SH3BP4: variants seen among roughly 807,000 people sequenced by gnomAD.
The protein encoded by SH3BP4 is SH3 domain-binding protein 4.
A neutral mutation model predicts 65.5 loss-of-function variants in SH3BP4; 33 were observed. The observed-to-expected ratio is 0.50, with a 90% CI of 0.38 to 0.67. The LOEUF is 0.67. Ranked by LOEUF, SH3BP4 falls within the 30% of genes least tolerant of loss-of-function variation. The pLI is 0.00. For synonymous variants in SH3BP4, 552 were observed against 545.5 expected (o/e 1.01, Z -0.17); for missense variants, 1,134 against 1,261.4 (o/e 0.90, Z 1.53).
At chr2:234,962,416 G>T (rs1574773497) in intron 1 of SH3BP4, among the ~76,000 whole-genome samples, 1 of 152,206 alleles carries the variant, frequency 6.6e-6, no homozygotes, top group East Asian at 1.9e-4. Context: ...GGGATTACAG[G>T]TGTGAGCTAC....
intron 1 of SH3BP4, among the ~76,000 whole-genome samples, chr2:234,970,707 C>T (rs1574779684): frequency 6.6e-6 from 1 of 152,238 alleles, no homozygotes; most frequent in Non-Finnish European, 1.5e-5. Flanking sequence ...GGGGTGCACT[C>T]TTCAGCTGAC....
intron 1 of SH3BP4, among the ~76,000 whole-genome samples, chr2:234,985,023 C>T (rs1273916121): frequency 1.3e-5 from 2 of 152,120 alleles, no homozygotes; most frequent in African/African-American, 2.4e-5. Flanking sequence ...GCGGGGGCGT[C>T]GACCCCAGGG....
intron 2 of SH3BP4, among the ~76,000 whole-genome samples, chr2:235,021,897 G>C (rs1694856123): frequency 6.6e-6 from 1 of 152,114 alleles, no homozygotes; most frequent in Admixed American, 6.5e-5. Flanking sequence ...AATTGTTCAG[G>C]AATTCATGCA....
chr2:234,985,015 G>C (rs563450594), intron 1 of SH3BP4, among the ~76,000 whole-genome samples: 1 of 152,150 alleles, frequency 6.6e-6, no homozygotes, highest in Admixed American at 6.5e-5. Flanking sequence ...GCCAGGAGGC[G>C]GGGGCGTCGA....
chr2:235,027,890 T>C (rs1695052693), intron 2 of SH3BP4, among the ~76,000 whole-genome samples: 2 of 152,216 alleles, frequency 1.3e-5, no homozygotes, highest in African/African-American at 4.8e-5. Flanking sequence ...TCTCTAATTG[T>C]TCCTTGGGGT....
At chr2:235,039,608 C>A (rs1695572960) in intron 3 of SH3BP4, among the ~76,000 whole-genome samples, 1 of 152,034 alleles carries the variant, frequency 6.6e-6, no homozygotes. Flanking sequence ...GGAGGGGAGT[C>A]CTGGGGAGAA....
chr2:235,022,620 G>T lies in SH3BP4; in HGVS notation c.-132-12251G>T, dbSNP rs984682110. On this transcript the variant is annotated intron_variant, in intron 2 of 5. Coordinates refer to ENST00000392011, the MANE Select transcript of SH3BP4 (RefSeq NM_014521.3). ...AAAGCGGGTGAATCGAGACATTGAC[G>T]GCCCATCCCCTCGTTGTCAGATAAG... is the stretch of plus-strand genomic sequence containing the variant. Among the ~76,000 whole-genome samples, 16 of 152,098 alleles carry T rather than the reference G, an allele frequency of 1.1e-4. No homozygotes were observed. The East Asian group carries it at 3.1e-3, about 29-fold the overall frequency.
At chr2:234,957,229 G>T (rs989960089) in intron 1 of SH3BP4, among the ~76,000 whole-genome samples, 13 of 152,044 alleles carry the variant, frequency 8.6e-5, no homozygotes, top group African/African-American at 2.9e-4. Flanking sequence ...ATGTTGGCTA[G>T]GCTGGTCTTG....
intron 1 of SH3BP4, among the ~76,000 whole-genome samples, chr2:234,988,217 G>A (rs907771754): frequency 1.2e-4 from 18 of 152,002 alleles, no homozygotes; most frequent in African/African-American, 4.4e-4. Flanking sequence ...CCACCACCAC[G>A]CCTGGCTAAT....
chr2:235,033,040 A>G lies in SH3BP4; in HGVS notation c.-132-1831A>G, dbSNP rs551911143. On this transcript the variant is annotated intron_variant, in intron 2 of 5. Transcript: ENST00000392011. The surrounding 1 kb of genome is among the most constrained non-coding windows in gnomAD (Gnocchi z 5.7). ...TCTGCCCCTCCTTACACTGCTGGGT[A>G]GGAGAGACGGCGGGGCTGGGCTCAG... Among the ~76,000 whole-genome samples the G allele has an allele frequency of 1.7e-4, 26 of 152,258 alleles. No individual in the cohort carries two copies. Among genetic ancestry groups the G allele is most frequent in the African/African-American group, 6.3e-4 (26 of 41,564 alleles).
chr2:235,048,286 G>T (rs1176383589), intron 4 of SH3BP4, among the ~76,000 whole-genome samples: 1 of 152,130 alleles, frequency 6.6e-6, no homozygotes, highest in African/African-American at 2.4e-5. Context: ...TAAACATGCA[G>T]CAAAAAAGCC....
intron 2 of SH3BP4, among the ~76,000 whole-genome samples, chr2:235,002,102 C>T (rs556160355): frequency 6.6e-6 from 1 of 152,234 alleles, no homozygotes; most frequent in Admixed American, 6.5e-5. Flanking sequence ...CTCAGGCGAC[C>T]CGCCCGCCTC....
Position 234,994,124 on chromosome 2 carries a change from G to A in SH3BP4, c.-206-1179G>A, listed in dbSNP as rs144415884. ...CAGATTTTCTATTACCTATTGGGCG[G>A]TTTCCTTTCCTCCCTCCCTCTTCCC... is the stretch of plus-strand genomic sequence containing the variant. On this transcript the variant is annotated intron_variant, in intron 1 of 5. Transcript: ENST00000392011. 1.5e-4 allele frequency among the ~76,000 whole-genome samples: 23 copies of A among 152,216 alleles called. 1 individual carries two copies. Among genetic ancestry groups the A allele is most frequent in the Middle Eastern group, 3.4e-3 (1 of 294 alleles).
chr2:235,009,707 T>C (rs914598809), intron 2 of SH3BP4, among the ~76,000 whole-genome samples: 1 of 152,156 alleles, frequency 6.6e-6, no homozygotes, highest in Admixed American at 6.5e-5. Flanking sequence ...CAAATGTCTA[T>C]TCCAGATCTA....
In SH3BP4 at chr2:235,052,530, C is replaced by T. The variant is rs1341049261; in HGVS notation, c.2479-32C>T. 1 of 1,508,720 alleles carries T rather than the reference C, an allele frequency of 6.6e-7. No homozygotes were observed. Among genetic ancestry groups the T allele is most frequent in the Non-Finnish European group, 8.9e-7 (1 of 1,121,464 alleles). 93.5% of individuals were successfully genotyped at this position (1,508,720 alleles called of 1,614,324 possible). ...AGCAGAGCCTGCCCCACTCCCTACA[C>T]TGTCTCACGCTGTGTGCCTCTTCCT... On this transcript the variant is annotated intron_variant, in intron 4 of 5. Transcript: ENST00000392011. This position sits in a 1 kb window ranked among gnomAD's most constrained non-coding sequence, Gnocchi z 5.0.
chr2:235,006,394 T>C (rs1312378195), intron 2 of SH3BP4, among the ~76,000 whole-genome samples: 2 of 152,160 alleles, frequency 1.3e-5, no homozygotes, highest in Non-Finnish European at 2.9e-5. Context: ...TGGGGTAGCA[T>C]TTTTTAGGAA....
chr2:235,042,388 G>A lies in SH3BP4; in HGVS notation c.1619G>A (p.Cys540Tyr), dbSNP rs1415255712. The A allele has an allele frequency of 6.2e-7, 1 of 1,614,176 alleles. No individual in the cohort carries two copies. The highest frequency in any genetic ancestry group is 1.7e-5 in the Admixed American group (1 of 60,022). ...VLSRPQDLKV[C>Y]MFSNMTNYEV... Reference sequence around the variant, plus strand: ...TCCAGGCCCCAGGATCTCAAGGTCTGTATGTTTTCCAATATGACGAATTAC... The same window carrying A: ...TCCAGGCCCCAGGATCTCAAGGTCTATATGTTTTCCAATATGACGAATTAC... Residue 540 changes from cysteine to tyrosine, a missense_variant, in exon 4 of 6, where the codon TGT becomes TAT. Physicochemically the swap from Cys to Tyr is radical, Grantham distance 194. Transcript: ENST00000392011. The surrounding 1 kb of genome is among the most constrained non-coding windows in gnomAD (Gnocchi z 7.3).
chr2:234,957,495 T>C (rs1259525724), intron 1 of SH3BP4, among the ~76,000 whole-genome samples: 2 of 151,768 alleles, frequency 1.3e-5, no homozygotes, highest in East Asian at 3.9e-4. Flanking sequence ...GCCTCACTTC[T>C]GCTTGGTCCA....
chr2:235,015,766 G>A (rs1041271983), intron 2 of SH3BP4, among the ~76,000 whole-genome samples: 1 of 152,186 alleles, frequency 6.6e-6, no homozygotes, highest in African/African-American at 2.4e-5. Flanking sequence ...AACCATCTGG[G>A]AGGCTGGTTA....
Sources: allele counts gnomAD v4.1 joint callset (sites outside exome capture counted in the v4.1 genomes callset), GRCh38; gene constraint gnomAD v4.1.1; non-coding constraint Gnocchi (gnomAD v3.1); transcripts MANE v1.5; gene names NCBI Gene and HGNC (gene_info 2026-07-23, HGNC 2026-07-21).